ZNF248: variants seen among roughly 807,000 people sequenced by gnomAD.
The protein encoded by ZNF248 is zinc finger protein 248.
A neutral mutation model predicts 44.3 loss-of-function variants in ZNF248; 20 were observed. That is an observed-to-expected ratio of 0.45 (90% CI 0.32 to 0.66). The LOEUF is 0.66. ZNF248 is among the 30% of genes least tolerant of loss of function. The probability of loss-of-function intolerance (pLI) is 0.04; values close to 1 mark genes in which losing one functional copy is unlikely to be tolerated. For missense variants in ZNF248, 654 were observed against 677.0 expected (o/e 0.97, Z 0.38); for synonymous variants, 224 against 229.0 (o/e 0.98, Z 0.20).
At chr10:37,768,860 T>C in the ZNF248 span, among the ~76,000 whole-genome samples, 6 of 151,836 alleles carry the variant, frequency 4.0e-5, no homozygotes, top group African/African-American at 1.2e-4. Flanking sequence ...ATCAACAAAA[T>C]AGATAGACTG....
intron 6 of ZNF248, among the ~76,000 whole-genome samples, chr10:37,796,696 C>G (rs1339368092): frequency 6.6e-6 from 1 of 150,982 alleles, no homozygotes; most frequent in African/African-American, 2.4e-5. Flanking sequence ...TTCTAGGTTA[C>G]CTTTTTTTTT....
chr10:37,815,169 C>T lies in ZNF248; in HGVS notation c.330+17856G>A, dbSNP rs141874894. ...GCAACCTCTGCCTCCTGGGTTCAAG[C>T]GATTCTCCTGCCTCAGCCTCCCAAA... On this transcript the variant is annotated intron_variant, in intron 6 of 6. Coordinates refer to the ZNF248 transcript ENST00000615949. 9.0e-3 allele frequency among the ~76,000 whole-genome samples: 1,372 copies of T among 152,066 alleles called. 22 individuals carry two copies. The highest frequency in any genetic ancestry group is 0.031 in the African/African-American group (1,300 of 41,488).
In ZNF248 at chr10:37,830,182, T is replaced by C. The variant is rs1050732956; in HGVS notation, c.*1433A>G. 6 of 985,282 alleles carry C rather than the reference T, an allele frequency of 6.1e-6. No individual in the cohort carries two copies. The highest frequency in any genetic ancestry group is 7.2e-6 in the Non-Finnish European group (6 of 829,934). 61.0% of individuals were successfully genotyped at this position (985,282 alleles called of 1,614,324 possible). A position where few individuals can be genotyped will look rare whatever the true frequency, so the allele number is the denominator to read the frequency against. On this transcript the variant is annotated 3_prime_UTR_variant, in exon 6 of 6. Transcript: ENST00000395867. ...TACCGCCACTTTTTGAGGAGTGCAG[T>C]GTTACTGCTTGTTAACCTTTGCATA...
intron 3 of ZNF248, among the ~76,000 whole-genome samples, chr10:37,849,334 A>T (rs1316672925): frequency 6.6e-6 from 1 of 152,132 alleles, no homozygotes; most frequent in Non-Finnish European, 1.5e-5. Flanking sequence ...AAAGAAATTT[A>T]AAAACATGGT....
downstream of ZNF248, among the ~76,000 whole-genome samples, chr10:37,773,128 C>A (rs941656383): frequency 7.2e-5 from 11 of 152,168 alleles, no homozygotes; most frequent in African/African-American, 2.7e-4. Flanking sequence ...CACCTGTAAT[C>A]CCAGCTACTC....
intron 3 of ZNF248, among the ~76,000 whole-genome samples, chr10:37,850,211 T>G (rs2059998423): frequency 6.6e-6 from 1 of 152,232 alleles, no homozygotes; most frequent in African/African-American, 2.4e-5. Context: ...CAACTCTCTT[T>G]GAACAGCGTT....
chr10:37,828,077 A>G (rs1389496375), downstream of ZNF248, among the ~76,000 whole-genome samples: 1 of 152,244 alleles, frequency 6.6e-6, no homozygotes, highest in Non-Finnish European at 1.5e-5. Context: ...AGTCTAGTGT[A>G]TGAGAAAAAG....
the ZNF248 span, among the ~76,000 whole-genome samples, chr10:37,764,006 C>T: frequency 1.3e-5 from 2 of 152,098 alleles, no homozygotes; most frequent in Admixed American, 6.5e-5. Flanking sequence ...AATCTGGGCA[C>T]CTTGAAAACA....
At chr10:37,791,053 T>C (rs1420497955) in intron 6 of ZNF248, among the ~76,000 whole-genome samples, 5 of 113,588 alleles carry the variant, frequency 4.4e-5, no homozygotes, top group African/African-American at 1.4e-4. Flanking sequence ...TTTTTTTTTT[T>C]TTTTTTTTTT....
At chr10:37,819,020 G>T in intron 6 of ZNF248, 5 of 855,548 alleles carry the variant, frequency 5.8e-6, no homozygotes, top group South Asian at 5.3e-5. Context: ...ACCTTGTGAT[G>T]TCAGCTCCAT....
chr10:37,837,204 C>G (rs961422402), intron 5 of ZNF248, among the ~76,000 whole-genome samples: 15 of 152,040 alleles, frequency 9.9e-5, no homozygotes, highest in African/African-American at 3.4e-4. Context: ...ACCTCCACCT[C>G]CCAGGTTCAC....
intron 6 of ZNF248, among the ~76,000 whole-genome samples, chr10:37,788,262 TAAAAAA>T (rs59927437): frequency 3.3e-4 from 36 of 110,350 alleles, no homozygotes; most frequent in African/African-American, 1.2e-3. Flanking sequence ...GACTCCATCT[TAAAAAA>T]AAAAAAAAAA....
chr10:37,788,643 A>G (rs938085117), intron 6 of ZNF248, among the ~76,000 whole-genome samples: 33 of 152,154 alleles, frequency 2.2e-4, no homozygotes, highest in African/African-American at 2.4e-5. Flanking sequence ...AAATACACAA[A>G]TGCAAACAAA....
intron 6 of ZNF248, among the ~76,000 whole-genome samples, chr10:37,817,370 A>AG (rs2052661468): frequency 7.5e-6 from 1 of 133,716 alleles, no homozygotes. Context: ...ATGAACCTTT[A>AG]TTTTTAAAAA....
the ZNF248 span, among the ~76,000 whole-genome samples, chr10:37,762,832 G>C: frequency 6.6e-6 from 1 of 152,084 alleles, no homozygotes; most frequent in Non-Finnish European, 1.5e-5. Context: ...CATTTTATGG[G>C]ATAGTACAAT....
At chr10:37,781,066 T>C (rs941793495) in intron 6 of ZNF248, among the ~76,000 whole-genome samples, 14 of 152,150 alleles carry the variant, frequency 9.2e-5, no homozygotes, top group African/African-American at 3.4e-4. Flanking sequence ...GGTTTAATAG[T>C]GCGCTTTCAA....
intron 3 of ZNF248, among the ~76,000 whole-genome samples, chr10:37,846,133 T>G (rs904848604): frequency 3.9e-5 from 6 of 152,224 alleles, no homozygotes; most frequent in Non-Finnish European, 8.8e-5. Context: ...CACCTAATTC[T>G]CCTTGCCCAA....
At chr10:37,787,954 C>G (rs1444951328) in intron 6 of ZNF248, among the ~76,000 whole-genome samples, 1 of 152,070 alleles carries the variant, frequency 6.6e-6, no homozygotes, top group African/African-American at 2.4e-5. Flanking sequence ...TCTGATAAGT[C>G]TCATAATTTG....
chr10:37,767,102 C>T, the ZNF248 span, among the ~76,000 whole-genome samples: 1 of 152,128 alleles, frequency 6.6e-6, no homozygotes, highest in Non-Finnish European at 1.5e-5. Context: ...CGAGCAAAGC[C>T]TCCAAGAAAT....
Sources: gnomAD v4.1 joint callset for allele counts (sites outside exome capture counted in the v4.1 genomes callset) on GRCh38, gnomAD v4.1.1 for gene constraint, MANE v1.5 for transcripts, NCBI Gene and HGNC (gene_info 2026-07-23, HGNC 2026-07-21) for gene names.